Variants in RBFOX1 observed in about 807,000 individuals in gnomAD.
RBFOX1 encodes the protein RNA binding fox-1 homolog 1, also known as RNA binding protein fox-1 homolog 1.
RBFOX1 carries 8 observed loss-of-function variants against 57.7 expected under a neutral mutation model. The ratio of observed to expected loss-of-function variants is 0.14; its 90% CI spans 0.08 to 0.25. The LOEUF is 0.25. Among genes scored for constraint, RBFOX1 ranks in the 10% least tolerant of loss-of-function variants. The pLI is 1.00. For missense variants in RBFOX1, 611 were observed against 548.5 expected (o/e 1.11, Z -1.14); for synonymous variants, 326 against 222.4 (o/e 1.47, Z -4.15).
chr16:6,419,529 C>T (rs374694740), intron 2 of RBFOX1, among the ~76,000 whole-genome samples: 9 of 152,256 alleles, frequency 5.9e-5, no homozygotes, highest in East Asian at 5.8e-4. Flanking sequence ...ACCAAATTTC[C>T]GGAACCAGAT....
intron 3 of RBFOX1, among the ~76,000 whole-genome samples, chr16:6,956,103 T>A (rs748502488): frequency 2.6e-5 from 4 of 152,016 alleles, no homozygotes; most frequent in Non-Finnish European, 5.9e-5. Context: ...CTTATCTGAG[T>A]GAGGGCCACA....
In RBFOX1 at chr16:7,330,246, C is replaced by A. The variant is rs113245473; in HGVS notation, c.28-187901C>A. On this transcript the variant is annotated intron_variant, in intron 4 of 15. Coordinates refer to ENST00000550418, the MANE Select transcript of RBFOX1 (RefSeq NM_018723.4). ...TTTGCATATAACCTATGCACATCTT[C>A]CCGTATACATATTAAATCGTCTTTA... 1.1e-3 allele frequency among the ~76,000 whole-genome samples: 166 copies of A among 152,152 alleles called. 2 individuals carry two copies. The highest frequency in any genetic ancestry group is 3.3e-3 in the South Asian group (16 of 4,818).
At chr16:7,010,157 G>T (rs1469923118) in intron 3 of RBFOX1, among the ~76,000 whole-genome samples, 1 of 152,208 alleles carries the variant, frequency 6.6e-6, no homozygotes, top group Non-Finnish European at 1.5e-5. Context: ...GGAGGGGTGA[G>T]ACTTAATCAG....
At chr16:7,524,101 C>T (rs927196020) in intron 5 of RBFOX1, among the ~76,000 whole-genome samples, 1 of 152,184 alleles carries the variant, frequency 6.6e-6, no homozygotes, top group African/African-American at 2.4e-5. Context: ...ACATATGTAT[C>T]CACGATGCTT....
intron 3 of RBFOX1, among the ~76,000 whole-genome samples, chr16:6,689,726 C>A (rs888534530): frequency 6.6e-6 from 1 of 152,248 alleles, no homozygotes; most frequent in African/African-American, 2.4e-5. Context: ...TTTGGTTCTT[C>A]CCTGAAACTC....
intron 2 of RBFOX1, among the ~76,000 whole-genome samples, chr16:6,565,662 G>C (rs1369369416): frequency 6.6e-6 from 1 of 151,712 alleles, no homozygotes; most frequent in African/African-American, 2.4e-5. Flanking sequence ...AGAGACGGGG[G>C]TTTCACCATG....
intron 3 of RBFOX1, among the ~76,000 whole-genome samples, chr16:5,770,011 G>A (rs2053924937): frequency 6.6e-6 from 1 of 152,200 alleles, no homozygotes; most frequent in Non-Finnish European, 1.5e-5. Flanking sequence ...AGAGGGTGGA[G>A]GCAGATAGAA....
At chr16:7,033,699 A>G (rs547938270) in intron 3 of RBFOX1, among the ~76,000 whole-genome samples, 9 of 152,272 alleles carry the variant, frequency 5.9e-5, no homozygotes, top group African/African-American at 2.2e-4. Context: ...ATTGAACAGT[A>G]GAAAGACATT....
At chr16:7,042,605 A>C (rs191896419) in intron 3 of RBFOX1, among the ~76,000 whole-genome samples, 64 of 152,310 alleles carry the variant, frequency 4.2e-4, no homozygotes, top group Admixed American at 1.8e-3. Flanking sequence ...CATTTTAACG[A>C]ATGTTAGTGT....
At chr16:7,372,555 G>C (rs922564888) in intron 4 of RBFOX1, among the ~76,000 whole-genome samples, 2 of 152,174 alleles carry the variant, frequency 1.3e-5, no homozygotes, top group Middle Eastern at 3.2e-3. Context: ...TAGGAGCTCT[G>C]TCTGGAGAAG....
chr16:5,893,416 C>G (rs2058090162), intron 4 of RBFOX1, among the ~76,000 whole-genome samples: 1 of 152,188 alleles, frequency 6.6e-6, no homozygotes, highest in African/African-American at 2.4e-5. Flanking sequence ...CTAAAAGAGT[C>G]TAACTGGATT....
At chr16:5,601,191 G>C (rs2047352629), downstream of RBFOX1, 1 of 152,336 alleles carries the variant, frequency 6.6e-6, no homozygotes, top group African/African-American at 2.4e-5. Flanking sequence ...TCAGGAATCT[G>C]GGAGTGGTTT....
intron 3 of RBFOX1, among the ~76,000 whole-genome samples, chr16:6,658,321 A>C (rs1428978864): frequency 2.7e-5 from 4 of 149,578 alleles, no homozygotes; most frequent in Non-Finnish European, 4.5e-5. Flanking sequence ...GCTCATTGCA[A>C]CCTCCGCCTC....
chr16:5,676,015 A>G (rs2050158448), intron 3 of RBFOX1, among the ~76,000 whole-genome samples: 1 of 152,176 alleles, frequency 6.6e-6, no homozygotes, highest in Non-Finnish European at 1.5e-5. Context: ...GTTCTCAGTC[A>G]TAAGTGGAAG....
chr16:6,904,298 T>A (rs755321097), intron 3 of RBFOX1, among the ~76,000 whole-genome samples: 3 of 152,070 alleles, frequency 2.0e-5, no homozygotes, highest in African/African-American at 4.8e-5. Flanking sequence ...GTGGTAGGCT[T>A]ATGAAACCCA....
At chr16:7,290,107 A>G (rs1198184412) in intron 4 of RBFOX1, among the ~76,000 whole-genome samples, 2 of 152,218 alleles carry the variant, frequency 1.3e-5, no homozygotes, top group East Asian at 1.9e-4. Flanking sequence ...GGTAGAAACC[A>G]TTTTAGAAAT....
chr16:6,086,763 A>G (rs144543942), intron 1 of RBFOX1, among the ~76,000 whole-genome samples: 1 of 152,242 alleles, frequency 6.6e-6, no homozygotes, highest in Non-Finnish European at 1.5e-5. Context: ...CAAAAGAGAT[A>G]TTCAGCAGGT....
intron 3 of RBFOX1, among the ~76,000 whole-genome samples, chr16:6,919,307 A>C (rs1307597115): frequency 6.6e-6 from 1 of 152,134 alleles, no homozygotes; most frequent in African/African-American, 2.4e-5. Flanking sequence ...ATGTTTCTTG[A>C]CCAATTCCTA....
chr16:6,948,181 C>T (rs2079946060), intron 3 of RBFOX1, among the ~76,000 whole-genome samples: 6 of 151,870 alleles, frequency 4.0e-5, no homozygotes, highest in Admixed American at 3.9e-4. Context: ...CCTGTAATCC[C>T]AGCACTTTGG....
Sources: gnomAD v4.1 joint callset for allele counts (sites outside exome capture counted in the v4.1 genomes callset) on GRCh38, gnomAD v4.1.1 for gene constraint, MANE v1.5 for transcripts, NCBI Gene and HGNC (gene_info 2026-07-23, HGNC 2026-07-21) for gene names.